The following ANKH variants were observed in gnomAD, a reference collection of about 807,000 sequenced individuals.
The protein encoded by ANKH is ANKH inorganic pyrophosphate transport regulator.
Under a neutral mutation model 49.0 loss-of-function variants are expected in ANKH, and 15 were observed. That is an observed-to-expected ratio of 0.31 (90% CI 0.20 to 0.47). ANKH has a LOEUF of 0.47. Ranked by LOEUF, ANKH falls within the 20% of genes least tolerant of loss-of-function variation. ANKH has a pLI of 1.00. For missense variants in ANKH, 429 were observed against 652.0 expected, an observed-to-expected ratio of 0.66 and a Z score of 3.72; for synonymous variants, 273 against 260.0, an observed-to-expected ratio of 1.05 and a Z score of -0.48.
At chr5:14,804,406 C>T (rs1740645336) in intron 1 of ANKH, among the ~76,000 whole-genome samples, 2 of 152,214 alleles carry the variant, frequency 1.3e-5, no homozygotes, top group Non-Finnish European at 1.5e-5. Flanking sequence ...ATGCAGGCAT[C>T]CTCTTTCCTT....
intron 2 of ANKH, among the ~76,000 whole-genome samples, chr5:14,766,689 C>T (rs1739268813): frequency 6.6e-6 from 1 of 152,140 alleles, no homozygotes; most frequent in South Asian, 2.1e-4. Flanking sequence ...TTAGTTTAAA[C>T]CTAGATGTAT....
chr5:14,868,481 C>G (rs1179819754), intron 1 of ANKH: 2 of 151,092 alleles, frequency 1.3e-5, no homozygotes. Flanking sequence ...TACTGCAACC[C>G]CTGCCTCCTG....
At chr5:14,711,396 C>CCCCCAAGACCCCGGTG in intron 11 of ANKH, 86 bp from the exon 12 acceptor site, 3 of 1,171,334 alleles carry the variant, frequency 2.6e-6, no homozygotes, top group Non-Finnish European at 3.8e-6. Flanking sequence ...ACACCGGGGT[C>CCCCCAAGACCCCGGTG]TTGGGGGACC....
intron 1 of ANKH, among the ~76,000 whole-genome samples, chr5:14,851,056 G>A (rs925199436): frequency 2.6e-5 from 4 of 152,074 alleles, no homozygotes; most frequent in Non-Finnish European, 4.4e-5. Context: ...GGAGGACTGC[G>A]GAACCTGCCT....
chr5:14,709,846 GAA>G lies in ANKH; in HGVS notation c.*1349_*1350del, dbSNP rs1491458475. On this transcript the variant is annotated 3_prime_UTR_variant, in exon 12 of 12. Coordinates refer to ENST00000284268, the MANE Select transcript of ANKH (RefSeq NM_054027.6). ...ATTAGAGACATTTTATTGAAAATGC[GAA>G]AATAGGAAATGTATTATAGCCTAAA... is the stretch of plus-strand genomic sequence containing the variant. 1 of 152,580 alleles carries G rather than the reference GAA, an allele frequency of 6.6e-6. No homozygotes were observed. Among genetic ancestry groups the G allele is most frequent in the Non-Finnish European group, 1.5e-5 (1 of 68,036 alleles). The allele number at this position is 152,580 out of a possible 1,614,324, so 9.5% of individuals were successfully genotyped here.
intron 1 of ANKH, among the ~76,000 whole-genome samples, chr5:14,831,567 A>G (rs999969971): frequency 6.6e-6 from 1 of 152,118 alleles, no homozygotes; most frequent in Non-Finnish European, 1.5e-5. Context: ...TGTGATTGCC[A>G]TGGTGCCAAA....
chr5:14,716,573 G>C (rs955140904), intron 9 of ANKH, 133 bp downstream of exon 9: 39 of 1,194,850 alleles, frequency 3.3e-5, no homozygotes, highest in Non-Finnish European at 4.6e-5. Flanking sequence ...ACTGGCTAAT[G>C]TTTTTGCATC....
At chr5:14,856,034 G>C (rs1561086208) in intron 1 of ANKH, among the ~76,000 whole-genome samples, 1 of 151,854 alleles carries the variant, frequency 6.6e-6, no homozygotes, top group Non-Finnish European at 1.5e-5. Context: ...CATAAAAACA[G>C]GCAGGGTGTG....
Position 14,795,901 on chromosome 5 carries a change from G to A in ANKH, c.97-26710C>T, listed in dbSNP as rs571033688. On this transcript the variant is annotated intron_variant, in intron 1 of 11. Coordinates refer to ENST00000284268, the MANE Select transcript of ANKH (RefSeq NM_054027.6). The stretch of plus-strand genomic sequence containing the variant: ...ATTATAGCCCAACATATATAAAAGC[G>A]AATATCCTAAGATAAGCCCTGAGAC... 5.3e-5 allele frequency among the ~76,000 whole-genome samples: 8 copies of A among 151,620 alleles called. No homozygotes were observed. In the East Asian group the frequency reaches 1.5e-3, roughly 29 times the overall value.
chr5:14,833,322 C>A (rs1367791427), intron 1 of ANKH, among the ~76,000 whole-genome samples: 3 of 152,180 alleles, frequency 2.0e-5, no homozygotes, highest in African/African-American at 7.2e-5. Flanking sequence ...TTCCAACACG[C>A]CTGCTTGCTA....
At chr5:14,797,891 G>C in intron 1 of ANKH, 7 of 1,612,158 alleles carry the variant, frequency 4.3e-6, no homozygotes, top group Non-Finnish European at 5.9e-6. Flanking sequence ...GGAGACGCAA[G>C]TCTGGGTTGC....
chr5:14,852,624 T>C (rs1742149320), intron 1 of ANKH, among the ~76,000 whole-genome samples: 2 of 152,138 alleles, frequency 1.3e-5, no homozygotes, highest in Admixed American at 1.3e-4. Context: ...TCACCTGGAG[T>C]GTAAATTAGT....
intron 2 of ANKH, among the ~76,000 whole-genome samples, chr5:14,760,979 A>G (rs1267973359): frequency 6.6e-6 from 1 of 152,228 alleles, no homozygotes; most frequent in East Asian, 1.9e-4. Flanking sequence ...AGATGAGGTC[A>G]TACTGGAGTA....
At chr5:14,806,576 G>C (rs1236844687) in intron 1 of ANKH, among the ~76,000 whole-genome samples, 1 of 152,134 alleles carries the variant, frequency 6.6e-6, no homozygotes, top group Non-Finnish European at 1.5e-5. Flanking sequence ...TGTGGCAGGA[G>C]GTCACGCTCC....
At chr5:14,726,201 A>G (rs1737817832) in intron 8 of ANKH, among the ~76,000 whole-genome samples, 1 of 152,186 alleles carries the variant, frequency 6.6e-6, no homozygotes, top group East Asian at 1.9e-4. Context: ...ACACTATTAG[A>G]TAACACTATG....
chr5:14,738,563 GTGCTGC>G (rs1221140815), intron 8 of ANKH, among the ~76,000 whole-genome samples: 7 of 152,152 alleles, frequency 4.6e-5, no homozygotes, highest in African/African-American at 1.4e-4. Flanking sequence ...AACACCAAGT[GTGCTGC>G]TCTCAAGCGT....
chr5:14,868,706 G>A (rs565117308), intron 1 of ANKH: 2 of 147,438 alleles, frequency 1.4e-5, no homozygotes, highest in East Asian at 2.0e-4. Flanking sequence ...ATAGCACCTG[G>A]CCTTTTTTTT....
At chr5:14,764,067 G>A (rs72734707) in intron 2 of ANKH, among the ~76,000 whole-genome samples, 20,221 of 74,834 alleles carry the variant, frequency 0.27, 1,736 homozygotes, top group Middle Eastern at 0.46. Context: ...TAGCCTGGGT[G>A]ACAGAACGGA....
At chr5:14,767,081 G>C (rs1739279713) in intron 2 of ANKH, among the ~76,000 whole-genome samples, 1 of 152,190 alleles carries the variant, frequency 6.6e-6, no homozygotes, top group Non-Finnish European at 1.5e-5. Context: ...CAATGACATA[G>C]GAAAGTGGTG....
Sources: gnomAD v4.1 joint callset for allele counts (sites outside exome capture counted in the v4.1 genomes callset) on GRCh38, gnomAD v4.1.1 for gene constraint, MANE v1.5 for transcripts, NCBI Gene and HGNC (gene_info 2026-07-23, HGNC 2026-07-21) for gene names.